The following RGL1 variants were observed in gnomAD, a reference collection of about 807,000 sequenced individuals.
The protein encoded by RGL1 is ral guanine nucleotide dissociation stimulator-like 1.
A neutral mutation model predicts 95.2 loss-of-function variants in RGL1; 24 were observed. The observed-to-expected ratio is 0.25, with a 90% CI of 0.18 to 0.35. The LOEUF (loss-of-function observed/expected upper bound fraction) is 0.35. Ranked by LOEUF, RGL1 falls within the 10% of genes least tolerant of loss-of-function variation. The pLI, the probability that RGL1 is intolerant of heterozygous loss-of-function variation, is 1.00. For synonymous variants in RGL1, 329 were observed against 344.9 expected (o/e 0.95, Z 0.51); for missense variants, 715 against 936.3 (o/e 0.76, Z 3.08).
At chr1:183,903,721 G>A (rs1253641810) in intron 12 of RGL1, among the ~76,000 whole-genome samples, 1 of 152,160 alleles carries the variant, frequency 6.6e-6, no homozygotes, top group African/African-American at 2.4e-5. Context: ...TATAGGTGGG[G>A]TATCTATCTC....
intron 2 of RGL1, among the ~76,000 whole-genome samples, chr1:183,753,954 A>ATTT (rs11368833): frequency 1.4e-5 from 2 of 147,288 alleles, no homozygotes. Flanking sequence ...CAGTGGGTTC[A>ATTT]TTTTTTTTTT....
At position 183,916,620 on chromosome 1, in the gene RGL1, T is replaced by C; in HGVS notation, c.1923T>C (p.Val641=). ...TTACCTCGACTGTGCTGCCTCCTGTTTACAACCAACAGAATGAAGACACCT... is the reference window on the plus strand; with the variant it reads ...TTACCTCGACTGTGCTGCCTCCTGTCTACAACCAACAGAATGAAGACACCT... The part of the protein sequence containing the change: ...TSITSTVLPP[V]YNQQNEDTCI... Residue 641 remains valine (V), a synonymous_variant, in exon 16 of 18, where the codon GTT becomes GTC. Coordinates refer to ENST00000360851, the MANE Select transcript of RGL1 (RefSeq NM_001297671.3). The C allele has an allele frequency of 6.2e-7, 1 of 1,613,844 alleles. No individual in the cohort carries two copies. The highest frequency in any genetic ancestry group is 8.5e-7 in the Non-Finnish European group (1 of 1,179,946).
intron 1 of RGL1, among the ~76,000 whole-genome samples, chr1:183,696,494 C>A (rs1430069718): frequency 6.6e-6 from 1 of 152,148 alleles, no homozygotes; most frequent in Non-Finnish European, 1.5e-5. Flanking sequence ...CTTCACATAA[C>A]CTCAGTTGAC....
intron 1 of RGL1, among the ~76,000 whole-genome samples, chr1:183,717,213 C>T (rs2102193159): frequency 6.6e-6 from 1 of 152,256 alleles, no homozygotes; most frequent in African/African-American, 2.4e-5. Flanking sequence ...TCTTCTTTCC[C>T]ACCTCTTTCA....
At chr1:183,839,100 G>A (rs1250903589) in intron 2 of RGL1, among the ~76,000 whole-genome samples, 1 of 152,160 alleles carries the variant, frequency 6.6e-6, no homozygotes, top group Non-Finnish European at 1.5e-5. Context: ...TGCCACATGT[G>A]CAAGTGCCTC....
chr1:183,687,595 TCA>T (rs10597311), intron 1 of RGL1, among the ~76,000 whole-genome samples: 1,575 of 152,268 alleles, frequency 0.01, 30 homozygotes, highest in African/African-American at 0.036. Flanking sequence ...AAGGAAACCA[TCA>T]CAGTGCTTTC....
At chr1:183,840,975 C>G (rs1312468362) in intron 2 of RGL1, among the ~76,000 whole-genome samples, 1 of 50,774 alleles carries the variant, frequency 2.0e-5, no homozygotes, top group African/African-American at 8.7e-5. Flanking sequence ...ACACTGGGCC[C>G]CTCTTGGTGC....
intron 1 of RGL1, chr1:183,648,650 G>A: frequency 6.2e-7 from 1 of 1,614,140 alleles, no homozygotes; most frequent in Non-Finnish European, 8.5e-7. Context: ...ATTCTGTGAG[G>A]GAAACTCTTG....
At chr1:183,810,545 A>G (rs1661639096) in intron 2 of RGL1, among the ~76,000 whole-genome samples, 1 of 152,202 alleles carries the variant, frequency 6.6e-6, no homozygotes, top group African/African-American at 2.4e-5. Context: ...GGGAAATAGA[A>G]TGGAGAAAGT....
chr1:183,764,137 C>T lies in RGL1; in HGVS notation c.132+21848C>T, dbSNP rs76488508. On this transcript the variant is annotated intron_variant, in intron 2 of 18. Transcript: ENST00000304685. ...TATGGGTGTATTATTACCACAACAC[C>T]AGGACTTCAGTCCAGGGTTCTCCTG... Among the ~76,000 whole-genome samples, 205 of 152,276 alleles carry T rather than the reference C, an allele frequency of 1.3e-3. 2 individuals carry two copies. The highest frequency in any genetic ancestry group is 4.7e-3 in the African/African-American group (196 of 41,554).
At chr1:183,648,080 G>T (rs576673661) in intron 1 of RGL1, 2 of 1,614,204 alleles carry the variant, frequency 1.2e-6, no homozygotes, top group Non-Finnish European at 1.7e-6. Flanking sequence ...AAGGTTTTAC[G>T]CCTGTTATGG....
intron 2 of RGL1, among the ~76,000 whole-genome samples, chr1:183,795,993 A>T (rs1660679564): frequency 6.6e-6 from 1 of 152,126 alleles, no homozygotes; most frequent in African/African-American, 2.4e-5. Context: ...GTAGTAACAG[A>T]TAATAACAAT....
chr1:183,722,385 A>G (rs1305138038), intron 1 of RGL1, among the ~76,000 whole-genome samples: 1 of 152,096 alleles, frequency 6.6e-6, no homozygotes, highest in African/African-American at 2.4e-5. Flanking sequence ...GCTTCAGAAG[A>G]GAAGAGAGTA....
At chr1:183,889,716 A>G (rs889001559) in intron 8 of RGL1, among the ~76,000 whole-genome samples, 1 of 152,100 alleles carries the variant, frequency 6.6e-6, no homozygotes, top group African/African-American at 2.4e-5. Context: ...TGATTCTTTG[A>G]TGGGTAAAAA....
At chr1:183,818,199 T>A (rs1429432544) in intron 2 of RGL1, among the ~76,000 whole-genome samples, 1 of 152,186 alleles carries the variant, frequency 6.6e-6, no homozygotes, top group Non-Finnish European at 1.5e-5. Flanking sequence ...GCAGCAGGGA[T>A]GATGATCCTC....
chr1:183,762,883 T>C (rs1658774741), intron 2 of RGL1, among the ~76,000 whole-genome samples: 1 of 152,204 alleles, frequency 6.6e-6, no homozygotes, highest in Non-Finnish European at 1.5e-5. Context: ...AGAAATCCCA[T>C]TACTGGGTAT....
chr1:183,808,447 C>T (rs1475208075), intron 2 of RGL1, among the ~76,000 whole-genome samples: 1 of 152,192 alleles, frequency 6.6e-6, no homozygotes, highest in Non-Finnish European at 1.5e-5. Context: ...ATTGCAAGTT[C>T]CTAGGGGCTC....
intron 1 of RGL1, among the ~76,000 whole-genome samples, chr1:183,698,557 C>T (rs1469268789): frequency 6.6e-6 from 1 of 152,176 alleles, no homozygotes; most frequent in Non-Finnish European, 1.5e-5. Context: ...CAGTGCCTTG[C>T]CTTGGAACAC....
chr1:183,916,212 C>T (rs1423410311), intron 15 of RGL1, among the ~76,000 whole-genome samples: 1 of 152,148 alleles, frequency 6.6e-6, no homozygotes, highest in Non-Finnish European at 1.5e-5. Flanking sequence ...AATAGAACTG[C>T]TTTGCCTCAC....
Sources: gnomAD v4.1 joint callset for allele counts (sites outside exome capture counted in the v4.1 genomes callset) on GRCh38, gnomAD v4.1.1 for gene constraint, MANE v1.5 for transcripts, NCBI Gene and HGNC (gene_info 2026-07-23, HGNC 2026-07-21) for gene names.